Variants in SPOCK3 observed in about 807,000 individuals in gnomAD.
The protein encoded by SPOCK3 is testican-3.
Under a neutral mutation model 56.6 loss-of-function variants are expected in SPOCK3, and 30 were observed. That is an observed-to-expected ratio of 0.53 (90% CI 0.40 to 0.72). The LOEUF (loss-of-function observed/expected upper bound fraction) is 0.72, where lower values mean the gene tolerates loss of function less well. Ranked by LOEUF, SPOCK3 falls within the 30% of genes least tolerant of loss-of-function variation. SPOCK3 has a pLI of 0.00. For synonymous variants in SPOCK3, 196 were observed against 183.3 expected, an observed-to-expected ratio of 1.07 and a Z score of -0.56; for missense variants, 527 against 530.0, an observed-to-expected ratio of 0.99 and a Z score of 0.06.
intron 3 of SPOCK3, among the ~76,000 whole-genome samples, chr4:167,061,796 A>T (rs763972502): frequency 1.3e-5 from 2 of 152,010 alleles, no homozygotes; most frequent in Admixed American, 1.3e-4. Context: ...GAGACTACAG[A>T]AAGTTACAAA....
At chr4:166,989,210 A>T (rs1747509704) in intron 4 of SPOCK3, among the ~76,000 whole-genome samples, 1 of 152,064 alleles carries the variant, frequency 6.6e-6, no homozygotes, top group Admixed American at 6.6e-5. Flanking sequence ...GTCCAGAGTC[A>T]CACAGTTGTC....
At chr4:167,100,838 A>G (rs1759577082) in intron 2 of SPOCK3, among the ~76,000 whole-genome samples, 1 of 152,132 alleles carries the variant, frequency 6.6e-6, no homozygotes, top group African/African-American at 2.4e-5. Flanking sequence ...ATTCTAGAAT[A>G]TATTTCTGTG....
At chr4:167,024,046 A>C (rs1751454090) in intron 3 of SPOCK3, among the ~76,000 whole-genome samples, 1 of 151,992 alleles carries the variant, frequency 6.6e-6, no homozygotes, top group Non-Finnish European at 1.5e-5. Context: ...TTAACGGTGA[A>C]TCTCTCTCCC....
intron 2 of SPOCK3, among the ~76,000 whole-genome samples, chr4:167,162,178 C>G (rs1297361871): frequency 6.6e-6 from 1 of 152,052 alleles, no homozygotes; most frequent in Non-Finnish European, 1.5e-5. Context: ...TTCACCAAAC[C>G]TAGCACAAAA....
chr4:166,799,138 C>A (rs563465246), intron 6 of SPOCK3, among the ~76,000 whole-genome samples: 9 of 152,314 alleles, frequency 5.9e-5, no homozygotes, highest in Non-Finnish European at 5.9e-5. Context: ...TATCAATAAA[C>A]ACACACTGCC....
At chr4:166,971,624 A>G (rs1162244810) in intron 4 of SPOCK3, among the ~76,000 whole-genome samples, 2 of 152,144 alleles carry the variant, frequency 1.3e-5, no homozygotes, top group African/African-American at 4.8e-5. Context: ...CCCAATATTC[A>G]GTATTAGATG....
At chr4:166,762,112 C>A (rs953519009) in intron 7 of SPOCK3, among the ~76,000 whole-genome samples, 2 of 151,416 alleles carry the variant, frequency 1.3e-5, no homozygotes, top group South Asian at 2.1e-4. Flanking sequence ...TGTTTAAATT[C>A]TCTTGTAAAA....
intron 4 of SPOCK3, among the ~76,000 whole-genome samples, chr4:166,948,733 C>T (rs1742106541): frequency 6.6e-6 from 1 of 152,066 alleles, no homozygotes; most frequent in Admixed American, 6.6e-5. Flanking sequence ...GATGGGCTTC[C>T]CTTTGTGGGT....
intron 9 of SPOCK3, among the ~76,000 whole-genome samples, chr4:166,740,498 T>TATC (rs1251499784): frequency 2.6e-5 from 2 of 77,076 alleles, no homozygotes; most frequent in African/African-American, 1.2e-4. Flanking sequence ...AAGAACTTAT[T>TATC]ATTATTATTA....
intron 3 of SPOCK3, among the ~76,000 whole-genome samples, chr4:167,038,245 T>C (rs1752933435): frequency 6.6e-6 from 1 of 152,194 alleles, no homozygotes; most frequent in Admixed American, 6.5e-5. Flanking sequence ...CTAGTGTCTA[T>C]ATCATTAGGA....
At chr4:166,890,718 A>T (rs1210322180) in intron 5 of SPOCK3, among the ~76,000 whole-genome samples, 2 of 151,982 alleles carry the variant, frequency 1.3e-5, no homozygotes, top group African/African-American at 4.8e-5. Context: ...GTTGCTAAGA[A>T]TTTATATTCT....
At chr4:167,148,420 A>T (rs927659909) in intron 2 of SPOCK3, among the ~76,000 whole-genome samples, 2 of 152,166 alleles carry the variant, frequency 1.3e-5, no homozygotes, top group African/African-American at 4.8e-5. Flanking sequence ...AAAGACTCTC[A>T]GAGTTCACAA....
intron 4 of SPOCK3, among the ~76,000 whole-genome samples, chr4:166,995,837 T>G (rs1037801431): frequency 6.6e-6 from 1 of 152,108 alleles, no homozygotes; most frequent in African/African-American, 2.4e-5. Flanking sequence ...TAAATGTCTC[T>G]CAAGTATAAG....
At chr4:167,213,632 A>G (rs145396249) in intron 2 of SPOCK3, among the ~76,000 whole-genome samples, 3 of 152,308 alleles carry the variant, frequency 2.0e-5, no homozygotes, top group African/African-American at 7.2e-5. Context: ...TCATTTAAAT[A>G]TAATGGAGGA....
intron 4 of SPOCK3, among the ~76,000 whole-genome samples, chr4:166,950,314 C>A (rs1742390708): frequency 6.6e-6 from 1 of 151,198 alleles, no homozygotes; most frequent in Non-Finnish European, 1.5e-5. Context: ...GACTTTAAAC[C>A]AACAAAGATC....
At chr4:167,170,581 A>C (rs1226390540) in intron 2 of SPOCK3, among the ~76,000 whole-genome samples, 2 of 152,172 alleles carry the variant, frequency 1.3e-5, no homozygotes, top group African/African-American at 4.8e-5. Flanking sequence ...GAGAAGACCA[A>C]AGCACACACG....
At chr4:166,841,790 C>T (rs530308917) in intron 6 of SPOCK3, among the ~76,000 whole-genome samples, 9 of 152,290 alleles carry the variant, frequency 5.9e-5, no homozygotes, top group African/African-American at 1.7e-4. Flanking sequence ...TTCTTGAGTA[C>T]GAGCAACATC....
intron 2 of SPOCK3, among the ~76,000 whole-genome samples, chr4:167,133,994 A>G (rs979199646): frequency 1.4e-4 from 20 of 145,356 alleles, no homozygotes; most frequent in Non-Finnish European, 2.7e-4. Context: ...GCTTTGCCTT[A>G]TAACTTTCAT....
chr4:167,129,222 G>C (rs1379846091), intron 2 of SPOCK3, among the ~76,000 whole-genome samples: 1 of 152,208 alleles, frequency 6.6e-6, no homozygotes, highest in Non-Finnish European at 1.5e-5. Flanking sequence ...TAACTGTGAA[G>C]ATAGGGCTCA....
Sources: allele counts gnomAD v4.1 joint callset (sites outside exome capture counted in the v4.1 genomes callset), GRCh38; gene constraint gnomAD v4.1.1; transcripts MANE v1.5; gene names NCBI Gene and HGNC (gene_info 2026-07-23, HGNC 2026-07-21).